The following ADAMTS18 variants were observed in gnomAD, a reference collection of about 807,000 sequenced individuals.
The protein encoded by ADAMTS18 is A disintegrin and metalloproteinase with thrombospondin motifs 18.
ADAMTS18 carries 157 observed loss-of-function variants against 165.9 expected under a neutral mutation model. That is an observed-to-expected ratio of 0.95 (90% CI 0.83 to 1.08). The LOEUF (loss-of-function observed/expected upper bound fraction) is 1.08. Among genes scored for constraint, ADAMTS18 ranks in the 50% least tolerant of loss-of-function variants. ADAMTS18 has a pLI of 0.00. For synonymous variants in ADAMTS18, 782 were observed against 578.2 expected (o/e 1.35, Z -5.06); for missense variants, 2,040 against 1,534.0 (o/e 1.33, Z -5.51).
intron 3 of ADAMTS18, among the ~76,000 whole-genome samples, chr16:77,421,607 T>G (rs192867549): frequency 6.6e-6 from 1 of 152,342 alleles, no homozygotes; most frequent in Admixed American, 6.5e-5. Context: ...AAGGATGAAA[T>G]GAGTTCTCAG....
chr16:77,347,729 C>T (rs538720810), intron 10 of ADAMTS18, among the ~76,000 whole-genome samples: 17 of 152,228 alleles, frequency 1.1e-4, no homozygotes, highest in Non-Finnish European at 2.2e-4. Context: ...CTCCTCCCCT[C>T]CTTTTTTGGT....
chr16:77,401,280 A>AAAAG (rs1000334834), intron 3 of ADAMTS18, among the ~76,000 whole-genome samples: 2 of 152,154 alleles, frequency 1.3e-5, no homozygotes, highest in Non-Finnish European at 2.9e-5. Context: ...CAACAACAAC[A>AAAAG]AAAGAAAGAA....
chr16:77,428,940 T>C (rs965660251), intron 3 of ADAMTS18, among the ~76,000 whole-genome samples: 7 of 152,176 alleles, frequency 4.6e-5, no homozygotes, highest in African/African-American at 1.4e-4. Context: ...CATACGTTCA[T>C]CAAAATGCAT....
At chr16:77,354,609 C>G (rs1442138919) in intron 9 of ADAMTS18, among the ~76,000 whole-genome samples, 2 of 151,564 alleles carry the variant, frequency 1.3e-5, no homozygotes, top group East Asian at 3.9e-4. Context: ...TGTAGTGAGA[C>G]AGATGGGGGT....
chr16:77,312,686 T>C (rs1293550504), intron 16 of ADAMTS18, among the ~76,000 whole-genome samples: 6 of 152,102 alleles, frequency 3.9e-5, no homozygotes, highest in Admixed American at 6.5e-5. Flanking sequence ...CAGCCAAATA[T>C]GAAAAAATGC....
At chr16:77,336,932 C>G (rs1324525915) in intron 11 of ADAMTS18, among the ~76,000 whole-genome samples, 2 of 152,162 alleles carry the variant, frequency 1.3e-5, no homozygotes, top group Non-Finnish European at 2.9e-5. Context: ...CCAGGTTTTG[C>G]TGAGGAATTG....
chr16:77,321,268 A>G, intron 14 of ADAMTS18, 66 bp from the exon 15 acceptor site: 2 of 1,596,506 alleles, frequency 1.3e-6, no homozygotes, highest in Admixed American at 3.3e-5. Flanking sequence ...GGAATAATTA[A>G]GAGGTATATG....
At chr16:77,297,635 A>C (rs2055499714) in intron 17 of ADAMTS18, among the ~76,000 whole-genome samples, 2 of 152,032 alleles carry the variant, frequency 1.3e-5, no homozygotes, top group East Asian at 3.9e-4. Context: ...TGTAACATGT[A>C]GATTATTGGT....
intron 2 of ADAMTS18, 80 bp from the exon 3 acceptor site, chr16:77,431,691 C>G: frequency 7.1e-7 from 1 of 1,401,168 alleles, no homozygotes; most frequent in South Asian, 1.2e-5. Flanking sequence ...TGGCAAAGAG[C>G]AACACAAAGC....
At chr16:77,353,660 G>C in intron 10 of ADAMTS18, 73 bp downstream of exon 10, 1 of 1,608,438 alleles carries the variant, frequency 6.2e-7, no homozygotes, top group Non-Finnish European at 8.5e-7. Context: ...CAAACCAAAT[G>C]TTTACACTTC....
chr16:77,349,831 T>C (rs767395122), intron 10 of ADAMTS18, among the ~76,000 whole-genome samples: 3 of 152,202 alleles, frequency 2.0e-5, no homozygotes, highest in Non-Finnish European at 4.4e-5. Flanking sequence ...TCTAGAATGA[T>C]AGGCCTGAGA....
chr16:77,303,632 T>TA (rs36114579), intron 16 of ADAMTS18, among the ~76,000 whole-genome samples: 43 of 150,868 alleles, frequency 2.9e-4, no homozygotes, highest in African/African-American at 9.7e-4. Flanking sequence ...GTCAAGACAA[T>TA]AAAAAAAAAA....
In ADAMTS18 at chr16:77,300,376, A is replaced by G; in HGVS notation, c.2561T>C (p.Ile854Thr). The change falls in exon 17 of 23, where the codon ATA (isoleucine) becomes ACA (threonine). Residue 854 changes from isoleucine (I) to threonine (T), a missense_variant. Coordinates refer to ENST00000282849, the MANE Select transcript of ADAMTS18 (RefSeq NM_199355.4). ...EILMQGKNPG[I>T]AWKYALPKVM... ...CTTGGGAAGTGCATACTTCCAAGCTATCCCTGGATTTTTGCCTTGCATCAG... is the reference window on the plus strand; with the variant it reads ...CTTGGGAAGTGCATACTTCCAAGCTGTCCCTGGATTTTTGCCTTGCATCAG... The G allele has an allele frequency of 6.2e-7, 1 of 1,614,080 alleles. No homozygotes were observed. Among genetic ancestry groups the G allele is most frequent in the Admixed American group, 1.7e-5 (1 of 60,028 alleles).
At chr16:77,365,828 G>C (rs2056785378) in intron 4 of ADAMTS18, among the ~76,000 whole-genome samples, 1 of 152,304 alleles carries the variant, frequency 6.6e-6, no homozygotes, top group African/African-American at 2.4e-5. Context: ...ATTATTTAGA[G>C]TTAGATTTAA....
In ADAMTS18 at chr16:77,356,928, A is replaced by G. The variant is rs563687601; in HGVS notation, c.1323-851T>C. Among the ~76,000 whole-genome samples the G allele has an allele frequency of 1.2e-4, 18 of 152,110 alleles. No individual in the cohort carries two copies. The South Asian group carries it at 3.3e-3, about 28-fold the overall frequency. On this transcript the variant is annotated intron_variant, in intron 8 of 22. Coordinates refer to ENST00000282849, the MANE Select transcript of ADAMTS18 (RefSeq NM_199355.4). ...ATGTTAAAGTGGTAGAAGATGGGGA[A>G]ATAAGAGTCTTTGATCTTCTCTAAA...
At chr16:77,417,043 C>T (rs1417501317) in intron 3 of ADAMTS18, among the ~76,000 whole-genome samples, 3 of 152,170 alleles carry the variant, frequency 2.0e-5, no homozygotes, top group Non-Finnish European at 4.4e-5. Flanking sequence ...AAATCAGTCT[C>T]ATCACTTATT....
At chr16:77,356,266 C>G (rs776691158) in intron 8 of ADAMTS18, among the ~76,000 whole-genome samples, 189 bp from the exon 9 acceptor site, 20 of 152,238 alleles carry the variant, frequency 1.3e-4, no homozygotes, top group Non-Finnish European at 2.8e-4. Flanking sequence ...TTTAAAAATG[C>G]TGAGGGCTTT....
intron 10 of ADAMTS18, among the ~76,000 whole-genome samples, chr16:77,342,562 A>C (rs1424326402): frequency 8.5e-5 from 13 of 152,148 alleles, no homozygotes; most frequent in Admixed American, 8.5e-4. Context: ...AACTGTTGGG[A>C]TTACAAGCAT....
intron 10 of ADAMTS18, among the ~76,000 whole-genome samples, chr16:77,351,877 G>A (rs1421185162): frequency 6.6e-6 from 1 of 152,138 alleles, no homozygotes; most frequent in Non-Finnish European, 1.5e-5. Context: ...TGGAACTACA[G>A]GTACGTGCCA....
Sources: gnomAD v4.1 joint callset for allele counts (sites outside exome capture counted in the v4.1 genomes callset) on GRCh38, gnomAD v4.1.1 for gene constraint, MANE v1.5 for transcripts, NCBI Gene and HGNC (gene_info 2026-07-23, HGNC 2026-07-21) for gene names.